PIK3R3: variants seen among roughly 807,000 people sequenced by gnomAD.
PIK3R3 encodes phosphatidylinositol 3-kinase regulatory subunit gamma.
A neutral mutation model predicts 62.9 loss-of-function variants in PIK3R3; 64 were observed. That is an observed-to-expected ratio of 1.02 (90% CI 0.83 to 1.25). The LOEUF (loss-of-function observed/expected upper bound fraction) is 1.25, where lower values mean the gene tolerates loss of function less well. Among genes scored for constraint, PIK3R3 ranks in the 50% most tolerant of loss-of-function variants. The pLI, the probability that PIK3R3 is intolerant of heterozygous loss-of-function variation, is 0.00. For missense variants in PIK3R3, 614 were observed against 561.6 expected (o/e 1.09, Z -0.94); for synonymous variants, 165 against 189.0 (o/e 0.87, Z 1.04).
At chr1:46,066,451 A>T (rs1269276652) in intron 4 of PIK3R3, among the ~76,000 whole-genome samples, 1 of 152,246 alleles carries the variant, frequency 6.6e-6, no homozygotes, top group African/African-American at 2.4e-5. Context: ...AAGTATTTTT[A>T]TATAAAGGTA....
At chr1:46,131,331 G>C (rs1655561701) in intron 1 of PIK3R3, among the ~76,000 whole-genome samples, 1 of 152,114 alleles carries the variant, frequency 6.6e-6, no homozygotes, top group Admixed American at 6.6e-5. Flanking sequence ...AAGAGAAAAA[G>C]GGAGTCTTAC....
rs1368979495 is a variant in PIK3R3, at chr1:46,080,712, C to T, written c.145G>A (p.Val49Ile). Residue 49 changes from valine to isoleucine, a missense_variant, in exon 2 of 10, where the codon GTT becomes ATT. Physicochemically the swap from Val to Ile is conservative, Grantham distance 29. Transcript: ENST00000262741. ...GAACTGTCCTTCATTCCATTTGGAA[C>T]TGCTGAAGTCATTGGCTTAGGTGGC... ...PKPPKPMTSA[V>I]PNGMKDSSVS... 1.2e-6 allele frequency: 2 copies of T among 1,613,780 alleles called. No individual in the cohort carries two copies. The highest frequency in any genetic ancestry group is 1.3e-5 in the African/African-American group (1 of 74,922).
chr1:46,156,458 C>CAA, the PIK3R3 span, among the ~76,000 whole-genome samples: 35 of 59,736 alleles, frequency 5.9e-4, no homozygotes, highest in African/African-American at 1.5e-3. Context: ...GACTCTGTCT[C>CAA]AAAAAAAAAA....
At chr1:46,096,994 A>C (rs1479538035) in intron 1 of PIK3R3, among the ~76,000 whole-genome samples, 6 of 152,006 alleles carry the variant, frequency 3.9e-5, no homozygotes, top group South Asian at 2.1e-4. Context: ...AACAAAAAAA[A>C]AAAAAACAGG....
rs11316852 is a variant in PIK3R3 at position 46,044,080 on chromosome 1, CTT to C, written c.1188-211_1188-210del. Among the ~76,000 whole-genome samples the C allele has an allele frequency of 9.8e-4, 142 of 145,252 alleles. No individual in the cohort carries two copies. The highest frequency in any genetic ancestry group is 1.4e-3 in the Admixed American group (20 of 14,616). ...CACAAATGTAAGGGTTTATTTATTTCTTTTTTTTTTTTTTAGACAGGGTCTCG... is the reference window on the plus strand; with the variant it reads ...CACAAATGTAAGGGTTTATTTATTTCTTTTTTTTTTTTAGACAGGGTCTCG... On this transcript the variant is annotated intron_variant, in intron 9 of 9. Coordinates refer to ENST00000262741, the MANE Select transcript of PIK3R3 (RefSeq NM_003629.4). The surrounding 1 kb of genome is among the most constrained non-coding windows in gnomAD (Gnocchi z 4.2).
intron 1 of PIK3R3, among the ~76,000 whole-genome samples, chr1:46,112,989 C>G (rs1033018013): frequency 1.3e-5 from 2 of 152,296 alleles, no homozygotes; most frequent in Middle Eastern, 3.4e-3. Flanking sequence ...TCGAAGCCCA[C>G]CAATCCTACT....
chr1:46,172,438 C>T, the PIK3R3 span, among the ~76,000 whole-genome samples: 11 of 152,072 alleles, frequency 7.2e-5, no homozygotes, highest in African/African-American at 2.4e-4. Flanking sequence ...AGTGCAGTGG[C>T]ATGATCTTGG....
intron 3 of PIK3R3, among the ~76,000 whole-genome samples, chr1:46,070,735 G>A (rs565316414): frequency 6.6e-6 from 1 of 152,288 alleles, no homozygotes; most frequent in African/African-American, 2.4e-5. Flanking sequence ...TACACTGGAG[G>A]AAGAGAGGAG....
intron 9 of PIK3R3, among the ~76,000 whole-genome samples, chr1:46,045,595 G>A (rs1332242981): frequency 1.6e-5 from 2 of 121,284 alleles, no homozygotes; most frequent in African/African-American, 6.2e-5. Flanking sequence ...AGACATATAG[G>A]ATACTACTAA....
chr1:46,114,704 A>C (rs1654024037), intron 1 of PIK3R3, among the ~76,000 whole-genome samples: 1 of 151,158 alleles, frequency 6.6e-6, no homozygotes, highest in Admixed American at 6.6e-5. Flanking sequence ...TCCCAGGTTC[A>C]AGCAATCCTC....
Position 46,041,221 on chromosome 1 carries a change from C to G in PIK3R3, c.*2452G>C, listed in dbSNP as rs1229472762. The G allele has an allele frequency of 6.5e-6, 1 of 154,056 alleles. No homozygotes were observed. The highest frequency in any genetic ancestry group is 2.4e-5 in the African/African-American group (1 of 41,458). The allele number at this position is 154,056 out of a possible 1,614,324, so 9.5% of individuals were successfully genotyped here. A position where few individuals can be genotyped will look rare whatever the true frequency, so the allele number is the denominator to read the frequency against. Reference sequence around the variant, plus strand: ...TGCTACCCTCTCCCCCTCTACACACCAGGCCCAGTGGGTAGTAGACTGGTC... The same window carrying G: ...TGCTACCCTCTCCCCCTCTACACACGAGGCCCAGTGGGTAGTAGACTGGTC... On this transcript the variant is annotated 3_prime_UTR_variant, in exon 10 of 10. Coordinates refer to ENST00000262741, the MANE Select transcript of PIK3R3 (RefSeq NM_003629.4).
chr1:46,059,828 G>A (rs946332459), intron 6 of PIK3R3, among the ~76,000 whole-genome samples: 10 of 151,664 alleles, frequency 6.6e-5, no homozygotes, highest in Non-Finnish European at 1.0e-4. Flanking sequence ...GGCTGGGCGC[G>A]GTGGCTCATG....
chr1:46,138,703 C>T, the PIK3R3 span, among the ~76,000 whole-genome samples: 1 of 152,250 alleles, frequency 6.6e-6, no homozygotes, highest in African/African-American at 2.4e-5. Flanking sequence ...GCAGGGGCAT[C>T]ATTCTTGAAA....
chr1:46,085,325 A>C (rs1404583096), intron 1 of PIK3R3, among the ~76,000 whole-genome samples: 2 of 152,228 alleles, frequency 1.3e-5, no homozygotes, highest in East Asian at 3.8e-4. Flanking sequence ...AGCTGTGAAC[A>C]TAACAATGAA....
At chr1:46,103,440 G>A (rs939461320) in intron 1 of PIK3R3, among the ~76,000 whole-genome samples, 5 of 151,830 alleles carry the variant, frequency 3.3e-5, no homozygotes, top group African/African-American at 4.8e-5. Flanking sequence ...CACAGTGGCA[G>A]GTGCCTGTAA....
At chr1:46,125,628 G>A (rs1655023709) in intron 1 of PIK3R3, among the ~76,000 whole-genome samples, 1 of 152,144 alleles carries the variant, frequency 6.6e-6, no homozygotes, top group Non-Finnish European at 1.5e-5. Flanking sequence ...AGTATGTCAA[G>A]GTAAGCAAAT....
At position 46,072,023 on chromosome 1, in the gene PIK3R3, C is replaced by G. The variant is rs536390398; in HGVS notation, c.315-4932G>C. On this transcript the variant is annotated intron_variant, in intron 3 of 9. Transcript: ENST00000262741. ...CCTATTGTTATCTATTCCTGCTACTCCCCTCCCACTTTCTACATGTCCAAA... is the reference window on the plus strand; with the variant it reads ...CCTATTGTTATCTATTCCTGCTACTGCCCTCCCACTTTCTACATGTCCAAA... 3.3e-5 allele frequency among the ~76,000 whole-genome samples: 5 copies of G among 152,150 alleles called. No homozygotes were observed. In the South Asian group the frequency reaches 1.0e-3, roughly 32 times the overall value.
At chr1:46,058,688 C>G (rs1648178621) in intron 6 of PIK3R3, among the ~76,000 whole-genome samples, 1 of 152,194 alleles carries the variant, frequency 6.6e-6, no homozygotes, top group Non-Finnish European at 1.5e-5. Context: ...CCAATTTCTT[C>G]CATTTGGAAC....
the PIK3R3 span, among the ~76,000 whole-genome samples, chr1:46,145,225 C>T: frequency 6.6e-6 from 1 of 151,910 alleles, no homozygotes; most frequent in Non-Finnish European, 1.5e-5. Flanking sequence ...GAGAACTGAC[C>T]CCTTTTTCTT....
Sources: allele counts gnomAD v4.1 joint callset (sites outside exome capture counted in the v4.1 genomes callset), GRCh38; gene constraint gnomAD v4.1.1; non-coding constraint Gnocchi (gnomAD v3.1); transcripts MANE v1.5; gene names NCBI Gene and HGNC (gene_info 2026-07-23, HGNC 2026-07-21).